The following RASA3 variants were observed in gnomAD, a reference collection of about 807,000 sequenced individuals.
The protein encoded by RASA3 is RAS p21 protein activator 3, also known as ras GTPase-activating protein 3.
A neutral mutation model predicts 110.0 loss-of-function variants in RASA3; 73 were observed. That is an observed-to-expected ratio of 0.66 (90% confidence interval 0.55 to 0.81). The LOEUF is 0.81. Ranked by LOEUF, RASA3 falls within the 30% of genes least tolerant of loss-of-function variation. The probability of loss-of-function intolerance (pLI) is 0.00; values close to 1 mark genes in which losing one functional copy is unlikely to be tolerated. For synonymous variants in RASA3, 500 were observed against 451.4 expected, an observed-to-expected ratio of 1.11 and a Z score of -1.37; for missense variants, 976 against 1,113.2, an observed-to-expected ratio of 0.88 and a Z score of 1.75.
At chr13:114,012,390 G>T (rs1008542378) in intron 15 of RASA3, among the ~76,000 whole-genome samples, 4 of 118,180 alleles carry the variant, frequency 3.4e-5, no homozygotes, top group Non-Finnish European at 7.2e-5. Flanking sequence ...CACTCCCCGT[G>T]CACCGTCCAC....
intron 2 of RASA3, among the ~76,000 whole-genome samples, chr13:114,058,401 A>T (rs955807406): frequency 6.6e-6 from 1 of 152,228 alleles, no homozygotes; most frequent in Non-Finnish European, 1.5e-5. Context: ...CTGGATTCCC[A>T]CCACAGAATT....
At chr13:114,052,441 C>T (rs1407992846) in intron 2 of RASA3, among the ~76,000 whole-genome samples, 1 of 152,214 alleles carries the variant, frequency 6.6e-6, no homozygotes, top group African/African-American at 2.4e-5. Flanking sequence ...GCCAGAATGA[C>T]TTCCATGCTA....
At chr13:114,032,604 G>A (rs535301826) in intron 4 of RASA3, among the ~76,000 whole-genome samples, 20 of 152,100 alleles carry the variant, frequency 1.3e-4, no homozygotes, top group African/African-American at 1.9e-4. Flanking sequence ...ACTTGACACC[G>A]CGTCGGTGCA....
chr13:114,034,821 G>A (rs1050487666), intron 4 of RASA3, among the ~76,000 whole-genome samples: 1 of 152,216 alleles, frequency 6.6e-6, no homozygotes, highest in Non-Finnish European at 1.5e-5. Flanking sequence ...GGGATGAAGC[G>A]GGAGCCGTGC....
At position 114,112,079 on chromosome 13, in the gene RASA3, G is replaced by GGAAACA. The variant is rs1476991965; in HGVS notation, c.55+20350_55+20355dup. Among the ~76,000 whole-genome samples, 1 of 134,212 alleles carries GGAAACA rather than the reference G, an allele frequency of 7.5e-6. No homozygotes were observed. The allele number at this position is 134,212 out of a possible 152,430, so 88.0% of individuals were successfully genotyped here. A position where few individuals can be genotyped will look rare whatever the true frequency, so the allele number is the denominator to read the frequency against. On this transcript the variant is annotated intron_variant, in intron 1 of 23. Coordinates refer to ENST00000334062, the MANE Select transcript of RASA3 (RefSeq NM_007368.4). This position sits in a 1 kb window ranked among gnomAD's most constrained non-coding sequence, Gnocchi z 4.8. ...AGTGACACTGTCCCTCCCTCTCCCT[G>GGAAACA]GAAACAGCAGCCCCCAGGCACCCCC...
At chr13:113,989,530 ACCATCACTCACCCATCCTTCCATCCAC>A (rs2053056978) in intron 22 of RASA3, among the ~76,000 whole-genome samples, 1 of 113,614 alleles carries the variant, frequency 8.8e-6, no homozygotes, top group African/African-American at 3.4e-5. Flanking sequence ...CCGTCCATCC[ACCATCACTCACCCATCCTTCCATCCAC>A]CCATCACTCA....
At chr13:114,008,901 C>T (rs1201317015) in intron 17 of RASA3, among the ~76,000 whole-genome samples, 2 of 88,792 alleles carry the variant, frequency 2.3e-5, no homozygotes, top group Admixed American at 1.1e-4. Context: ...ATGTTCCCCA[C>T]GCACTGCGTT....
At chr13:113,995,668 G>T (rs2053218379) in intron 21 of RASA3, among the ~76,000 whole-genome samples, 1 of 140,272 alleles carries the variant, frequency 7.1e-6, no homozygotes, top group African/African-American at 2.7e-5. Flanking sequence ...GCTGACGGAG[G>T]ACCCAGCTGA....
chr13:114,067,120 G>A (rs2079468696), intron 2 of RASA3, among the ~76,000 whole-genome samples: 1 of 151,034 alleles, frequency 6.6e-6, no homozygotes, highest in African/African-American at 2.4e-5. Context: ...GGCACTCTGG[G>A]GCTGAGGACG....
chr13:113,981,999 G>A (rs765922328), intron 22 of RASA3, 141 bp from the exon 23 acceptor site: 17 of 718,866 alleles, frequency 2.4e-5, no homozygotes, highest in East Asian at 2.0e-4. Context: ...ACCACCACTC[G>A]TAAACGCAGA....
rs556684479 is a variant in RASA3, at chr13:114,115,023, A to T, written c.55+17412T>A. ...GAGATGCTGCAGGTTCCCCAGCCCC[A>T]CCCCCAGCTGTGAGATGCTGCAGGT... On this transcript the variant is annotated intron_variant, in intron 1 of 23. Coordinates refer to ENST00000334062, the MANE Select transcript of RASA3 (RefSeq NM_007368.4). The surrounding 1 kb of genome is among the most constrained non-coding windows in gnomAD (Gnocchi z 5.0). Among the ~76,000 whole-genome samples, 2 of 139,366 alleles carry T rather than the reference A, an allele frequency of 1.4e-5. No individual in the cohort carries two copies. Among genetic ancestry groups the T allele is most frequent in the South Asian group, 4.7e-4 (2 of 4,268 alleles). 91.4% of individuals were successfully genotyped at this position (139,366 alleles called of 152,430 possible).
At position 114,073,612 on chromosome 13, in the gene RASA3, G is replaced by A. The variant is rs1256985742; in HGVS notation, c.173+108C>T. 14 of 916,874 alleles carry A rather than the reference G, an allele frequency of 1.5e-5. No individual in the cohort carries two copies. The African/African-American group carries it at 1.8e-4, about 12-fold the overall frequency. 56.8% of individuals were successfully genotyped at this position (916,874 alleles called of 1,614,324 possible). A position where few individuals can be genotyped will look rare whatever the true frequency, so the allele number is the denominator to read the frequency against. On this transcript the variant is annotated intron_variant, in intron 2 of 23. Transcript: ENST00000334062. ...AAACGGGATGGTGACGTACACGCTC[G>A]GGACGTTCTCCACACATGGGAAAAT...
intron 7 of RASA3, among the ~76,000 whole-genome samples, chr13:114,026,783 G>C (rs915051609): frequency 1.9e-4 from 29 of 152,190 alleles, no homozygotes; most frequent in African/African-American, 6.3e-4. Flanking sequence ...CCTGCACACA[G>C]CTGTCCCCAA....
chr13:114,039,397 C>T lies in RASA3; in HGVS notation c.372+1603G>A, dbSNP rs191698940. Among the ~76,000 whole-genome samples the T allele has an allele frequency of 1.5e-4, 22 of 151,108 alleles. No individual in the cohort carries two copies. The East Asian group carries it at 3.5e-3, about 24-fold the overall frequency. Reference sequence around the variant, plus strand: ...CAACTGAGGACCCAGGAAGCCCTCCCGCGTCCCAAGGGCGCTGTGCCACAA... The same window carrying T: ...CAACTGAGGACCCAGGAAGCCCTCCTGCGTCCCAAGGGCGCTGTGCCACAA... On this transcript the variant is annotated intron_variant, in intron 4 of 23. Coordinates refer to ENST00000334062, the MANE Select transcript of RASA3 (RefSeq NM_007368.4).
intron 12 of RASA3, among the ~76,000 whole-genome samples, chr13:114,016,810 G>A (rs745351682): frequency 3.9e-5 from 6 of 152,196 alleles, no homozygotes; most frequent in Non-Finnish European, 8.8e-5. Flanking sequence ...CATAAACGGG[G>A]GGCACAGCCT....
chr13:114,022,474 C>T (rs972296362), intron 8 of RASA3, among the ~76,000 whole-genome samples: 3 of 152,230 alleles, frequency 2.0e-5, no homozygotes, highest in African/African-American at 4.8e-5. Context: ...GGGGCTAAAA[C>T]TCGGCAGGCC....
At chr13:114,106,628 G>C (rs952828401) in intron 1 of RASA3, among the ~76,000 whole-genome samples, 1 of 152,210 alleles carries the variant, frequency 6.6e-6, no homozygotes. Context: ...CTTAGAACAC[G>C]CTTCCCGCTC....
At chr13:114,013,504 CCTCT>C (rs71797031) in intron 14 of RASA3, among the ~76,000 whole-genome samples, 11,603 of 127,488 alleles carry the variant, frequency 0.091, 941 homozygotes, top group East Asian at 0.22. Context: ...TCTCTCTCTC[CCTCT>C]ATTTGTCTCT....
rs1441947580 is a variant in RASA3, at chr13:114,052,106, G to A, written c.223C>T (p.His75Tyr). 13 of 1,613,450 alleles carry A rather than the reference G, an allele frequency of 8.1e-6. No individual in the cohort carries two copies. The highest frequency in any genetic ancestry group is 1.3e-5 in the African/African-American group (1 of 74,942). The change falls in exon 3 of 24, where the codon CAC becomes TAC. Residue 75 changes from histidine to tyrosine, a missense_variant. By Grantham distance (83) the His-to-Tyr change is moderately conservative (BLOSUM62 2). Transcript: ENST00000334062. ...CTATCGAAAATGTAGAAGGACAGGT[G>A]ACGAAAGCTCCGAGGAATTTCACAG... is the stretch of plus-strand genomic sequence containing the variant. ...FYCEIPRSFR[H>Y]LSFYIFDRDV...
Sources: gnomAD v4.1 joint callset for allele counts (sites outside exome capture counted in the v4.1 genomes callset) on GRCh38, gnomAD v4.1.1 for gene constraint, Gnocchi (gnomAD v3.1) non-coding constraint, MANE v1.5 for transcripts, NCBI Gene and HGNC (gene_info 2026-07-23, HGNC 2026-07-21) for gene names.